The following ARHGEF37 variants were observed in gnomAD, a reference collection of about 807,000 sequenced individuals.
ARHGEF37 encodes Rho guanine nucleotide exchange factor (GEF) 37.
In ARHGEF37, 55 loss-of-function variants were observed where a neutral mutation model predicts 71.1. The observed-to-expected ratio is 0.77, with a 90% CI of 0.62 to 0.97. The LOEUF is 0.97. Ranked by LOEUF, ARHGEF37 falls within the 50% of genes least tolerant of loss-of-function variation. The pLI is 0.00. For synonymous variants in ARHGEF37, 327 were observed against 350.6 expected, an observed-to-expected ratio of 0.93 and a Z score of 0.75; for missense variants, 765 against 836.8, an observed-to-expected ratio of 0.91 and a Z score of 1.06.
chr5:149,584,432 C>G (rs1243388888), intron 1 of ARHGEF37, among the ~76,000 whole-genome samples: 1 of 152,176 alleles, frequency 6.6e-6, no homozygotes, highest in Non-Finnish European at 1.5e-5. Flanking sequence ...CTTTCCGCCT[C>G]ACTTCCAATC....
intron 4 of ARHGEF37, among the ~76,000 whole-genome samples, chr5:149,610,254 T>G (rs1384673495): frequency 6.6e-6 from 1 of 152,016 alleles, no homozygotes; most frequent in Non-Finnish European, 1.5e-5. Flanking sequence ...GTTCCCATAG[T>G]GATAAGAAGC....
intron 12 of ARHGEF37, among the ~76,000 whole-genome samples, chr5:149,630,553 C>A (rs1427539448): frequency 6.6e-6 from 1 of 152,184 alleles, no homozygotes; most frequent in East Asian, 1.9e-4. Flanking sequence ...GTCAGGCCAG[C>A]ATCCTTCAGC....
chr5:149,570,576 CAAA>C (rs778453136), intron 1 of ARHGEF37, among the ~76,000 whole-genome samples: 3 of 88,076 alleles, frequency 3.4e-5, no homozygotes, highest in African/African-American at 4.1e-5. Context: ...AACTCCGCCT[CAAA>C]AAAAAAAAAA....
chr5:149,566,421 C>T (rs1304305498), intron 1 of ARHGEF37, among the ~76,000 whole-genome samples: 1 of 152,006 alleles, frequency 6.6e-6, no homozygotes, highest in African/African-American at 2.4e-5. Context: ...TCACTTGAGC[C>T]TGGGAGGCAG....
chr5:149,607,976 G>A lies in ARHGEF37; in HGVS notation c.311-1572G>A, dbSNP rs182712469. On this transcript the variant is annotated intron_variant, in intron 3 of 12. Coordinates refer to ENST00000333677, the MANE Select transcript of ARHGEF37 (RefSeq NM_001001669.3). ...GTAGAGACGGGATTTCATTGTGTTA[G>A]CCAGGATGGTCTCAATCTCCTGATC... 5.1e-3 allele frequency among the ~76,000 whole-genome samples: 775 copies of A among 152,046 alleles called. 9 individuals are homozygous for A. Among genetic ancestry groups the A allele is most frequent in the African/African-American group, 0.018 (732 of 41,448 alleles).
At chr5:149,575,636 A>G (rs1420509821) in intron 1 of ARHGEF37, among the ~76,000 whole-genome samples, 1 of 147,906 alleles carries the variant, frequency 6.8e-6, no homozygotes, top group Non-Finnish European at 1.5e-5. Flanking sequence ...TAGTTTTTGG[A>G]TAAGTTGGAT....
chr5:149,603,975 C>T (rs1404559561), intron 3 of ARHGEF37, among the ~76,000 whole-genome samples: 1 of 152,160 alleles, frequency 6.6e-6, no homozygotes, highest in Non-Finnish European at 1.5e-5. Context: ...TAGATGTTCT[C>T]ACAGGTACTT....
At chr5:149,589,320 T>TCTTA (rs1763328997) in intron 1 of ARHGEF37, among the ~76,000 whole-genome samples, 1 of 141,364 alleles carries the variant, frequency 7.1e-6, no homozygotes, top group South Asian at 2.5e-4. Flanking sequence ...ACACATAATG[T>TCTTA]TTTATTAATT....
chr5:149,573,721 T>C (rs1580885462), intron 1 of ARHGEF37, among the ~76,000 whole-genome samples: 1 of 152,230 alleles, frequency 6.6e-6, no homozygotes, highest in East Asian at 1.9e-4. Flanking sequence ...CAATAATATC[T>C]GTTGAATGAT....
At chr5:149,596,268 A>G (rs1291710983) in intron 1 of ARHGEF37, among the ~76,000 whole-genome samples, 2 of 152,134 alleles carry the variant, frequency 1.3e-5, no homozygotes. Flanking sequence ...GTAGTAGGAA[A>G]GTTTTTCAGA....
chr5:149,628,801 C>A lies in ARHGEF37; in HGVS notation c.1661-8C>A. ...CCGCAGCCTGCTAACCTTCTGCATGCTCCCTAGGACATCGTGGGTATGTGC... is the reference window on the plus strand; with the variant it reads ...CCGCAGCCTGCTAACCTTCTGCATGATCCCTAGGACATCGTGGGTATGTGC... On this transcript the variant is annotated splice_region_variant and splice_polypyrimidine_tract_variant and intron_variant, in intron 11 of 12. Coordinates refer to ENST00000333677, the MANE Select transcript of ARHGEF37 (RefSeq NM_001001669.3). The A allele has an allele frequency of 6.2e-7, 1 of 1,609,794 alleles. No individual in the cohort carries two copies.
chr5:149,620,205 T>G (rs762293354), intron 7 of ARHGEF37, 149 bp from the exon 8 acceptor site: 2 of 525,316 alleles, frequency 3.8e-6, no homozygotes, highest in Non-Finnish European at 3.4e-6. Context: ...ACTTAAGCTG[T>G]GTGAGAATAG....
intron 4 of ARHGEF37, among the ~76,000 whole-genome samples, chr5:149,613,453 T>A (rs1752261436): frequency 6.6e-6 from 1 of 151,636 alleles, no homozygotes; most frequent in Admixed American, 6.6e-5. Context: ...TTCAAGCGAT[T>A]CTCCTTCCTC....
chr5:149,555,989 A>G (rs1561780286), intron 1 of ARHGEF37, among the ~76,000 whole-genome samples: 1 of 151,980 alleles, frequency 6.6e-6, no homozygotes, highest in Non-Finnish European at 1.5e-5. Flanking sequence ...AACAAAAACC[A>G]TTTTTTTAAG....
In ARHGEF37 at chr5:149,598,263, CTCTTCTTCTTCTTCT is replaced by C. The variant is rs70973531; in HGVS notation, c.186+358_186+372del. 8.8e-3 allele frequency among the ~76,000 whole-genome samples: 595 copies of C among 67,764 alleles called. 15 individuals are homozygous for C. Among genetic ancestry groups the C allele is most frequent in the African/African-American group, 0.031 (540 of 17,452 alleles). 44.5% of individuals were successfully genotyped at this position (67,764 alleles called of 152,430 possible). A position where few individuals can be genotyped will look rare whatever the true frequency, so the allele number is the denominator to read the frequency against. On this transcript the variant is annotated intron_variant, in intron 2 of 12. Coordinates refer to ENST00000333677, the MANE Select transcript of ARHGEF37 (RefSeq NM_001001669.3). ...GTTTGGAACAGATTGCTTAAACTGA[CTCTTCTTCTTCTTCT>C]TCTTCTTCTTCTTCTTCTTCTTCTT...
intron 1 of ARHGEF37, among the ~76,000 whole-genome samples, chr5:149,566,246 CA>C (rs947996839): frequency 4.6e-5 from 7 of 151,852 alleles, no homozygotes; most frequent in Admixed American, 3.9e-4. Flanking sequence ...CCTGTAATCC[CA>C]GCACTTTGGG....
intron 1 of ARHGEF37, among the ~76,000 whole-genome samples, chr5:149,565,324 T>G (rs895058556): frequency 6.6e-6 from 1 of 152,202 alleles, no homozygotes; most frequent in Admixed American, 6.6e-5. Context: ...ATAAGTCCTG[T>G]TATAGTTATA....
chr5:149,598,759 G>T (rs866529341), intron 2 of ARHGEF37, among the ~76,000 whole-genome samples: 1,359 of 120,112 alleles, frequency 0.011, 54 homozygotes, highest in Admixed American at 0.094. Context: ...TCTATATATA[G>T]ATATAGATAT....
At chr5:149,575,313 A>G (rs2113252087) in intron 1 of ARHGEF37, among the ~76,000 whole-genome samples, 1 of 152,262 alleles carries the variant, frequency 6.6e-6, no homozygotes, top group East Asian at 1.9e-4. Context: ...TTGGCTCCCT[A>G]ATTTCCCTAT....
Sources: allele counts gnomAD v4.1 joint callset (sites outside exome capture counted in the v4.1 genomes callset), GRCh38; gene constraint gnomAD v4.1.1; transcripts MANE v1.5; gene names NCBI Gene and HGNC (gene_info 2026-07-23, HGNC 2026-07-21).